NRG1: variants seen among roughly 807,000 people sequenced by gnomAD.
NRG1 encodes the protein pro-neuregulin-1, membrane-bound isoform.
NRG1 carries 18 observed loss-of-function variants against 63.8 expected under a neutral mutation model. The observed-to-expected ratio is 0.28, with a 90% CI of 0.19 to 0.42. The LOEUF (loss-of-function observed/expected upper bound fraction) is 0.42. Ranked by LOEUF, NRG1 falls within the 10% of genes least tolerant of loss-of-function variation. The probability of loss-of-function intolerance (pLI) is 1.00; values close to 1 mark genes in which losing one functional copy is unlikely to be tolerated. For synonymous variants in NRG1, 302 were observed against 301.3 expected, an observed-to-expected ratio of 1.00 and a Z score of -0.02; for missense variants, 762 against 814.7, an observed-to-expected ratio of 0.94 and a Z score of 0.79.
At chr8:32,098,396 A>G (rs931122369) in intron 1 of NRG1, among the ~76,000 whole-genome samples, 4 of 152,220 alleles carry the variant, frequency 2.6e-5, no homozygotes, top group Non-Finnish European at 4.4e-5. Flanking sequence ...TGTTAGATAT[A>G]TGTGGCTGTT....
intron 1 of NRG1, among the ~76,000 whole-genome samples, chr8:32,261,983 C>T (rs1020278544): frequency 6.6e-6 from 1 of 152,086 alleles, no homozygotes; most frequent in Non-Finnish European, 1.5e-5. Flanking sequence ...GGATCCAGAT[C>T]GCCTTGAATT....
At chr8:32,453,326 G>C (rs1485839234) in intron 1 of NRG1, among the ~76,000 whole-genome samples, 1 of 152,164 alleles carries the variant, frequency 6.6e-6, no homozygotes, top group African/African-American at 2.4e-5. Context: ...CTACGTATCA[G>C]AGCCTCGTAC....
intron 1 of NRG1, among the ~76,000 whole-genome samples, chr8:32,022,610 C>T (rs528947672): frequency 6.6e-6 from 1 of 152,214 alleles, no homozygotes; most frequent in African/African-American, 2.4e-5. Flanking sequence ...GTAAATAGGA[C>T]ATTGTTTATC....
At chr8:32,280,691 G>GTTTTTTTTTTTTT (rs1174950316) in intron 1 of NRG1, among the ~76,000 whole-genome samples, 68 of 57,580 alleles carry the variant, frequency 1.2e-3, no homozygotes, top group African/African-American at 2.6e-3. Flanking sequence ...TTTTTTTTTT[G>GTTTTTTTTTTTTT]TTTTTTTTTT....
At chr8:32,437,253 C>T (rs1215956972) in intron 1 of NRG1, among the ~76,000 whole-genome samples, 1 of 152,112 alleles carries the variant, frequency 6.6e-6, no homozygotes, top group African/African-American at 2.4e-5. Context: ...GCAGCTTCCC[C>T]CAATGCCTCC....
intron 1 of NRG1, among the ~76,000 whole-genome samples, chr8:31,687,518 A>G (rs1809027629): frequency 6.6e-6 from 1 of 152,222 alleles, no homozygotes; most frequent in Non-Finnish European, 1.5e-5. Context: ...GATCAGCTGA[A>G]ATCATCCTTG....
chr8:32,293,718 CTT>C lies in NRG1; in HGVS notation c.38-302092_38-302091del, dbSNP rs770993591. ...ACTATTTCTTTTTTCTTTTCTTCTT[CTT>C]TTTTTTTTTTTTTTTTTGAGATGGA... On this transcript the variant is annotated intron_variant, in intron 1 of 10. Coordinates refer to the NRG1 transcript ENST00000519301. Among the ~76,000 whole-genome samples, 331 of 108,240 alleles carry C rather than the reference CTT, an allele frequency of 3.1e-3. 2 individuals are homozygous for C. The highest frequency in any genetic ancestry group is 0.012 in the African/African-American group (310 of 26,852). 71.0% of individuals were successfully genotyped at this position (108,240 alleles called of 152,430 possible). A position where few individuals can be genotyped will look rare whatever the true frequency, so the allele number is the denominator to read the frequency against.
At chr8:32,224,430 T>C (rs979541192) in intron 1 of NRG1, among the ~76,000 whole-genome samples, 1 of 152,170 alleles carries the variant, frequency 6.6e-6, no homozygotes, top group Admixed American at 6.5e-5. Flanking sequence ...CCTTCTTCTT[T>C]TCTGAATTAA....
At position 32,192,851 on chromosome 8, in the gene NRG1, C is replaced by G. The variant is rs183541957; in HGVS notation, c.38-402977C>G. ...TTGTAGTCACCTACACACATAAACT[C>G]ACACACAAACACACACTCCCATACA... On this transcript the variant is annotated intron_variant, in intron 1 of 10. Transcript: ENST00000519301. 1.3e-3 allele frequency among the ~76,000 whole-genome samples: 193 copies of G among 152,268 alleles called. 1 individual carries two copies. Among genetic ancestry groups the G allele is most frequent in the African/African-American group, 4.5e-3 (185 of 41,554 alleles).
chr8:31,677,909 C>G (rs949013596), intron 1 of NRG1, among the ~76,000 whole-genome samples: 1 of 151,954 alleles, frequency 6.6e-6, no homozygotes, highest in Non-Finnish European at 1.5e-5. Flanking sequence ...CAAATATTCT[C>G]TTTGGTAAAA....
At chr8:31,812,951 T>G (rs546472048) in intron 1 of NRG1, among the ~76,000 whole-genome samples, 1 of 152,306 alleles carries the variant, frequency 6.6e-6, no homozygotes, top group African/African-American at 2.4e-5. Flanking sequence ...CCACTGAAGC[T>G]ACCTGGTGGA....
At chr8:31,853,591 A>C (rs1157871143) in intron 1 of NRG1, among the ~76,000 whole-genome samples, 1 of 150,992 alleles carries the variant, frequency 6.6e-6, no homozygotes, top group African/African-American at 2.4e-5. Context: ...TTCCTAATTG[A>C]ATACCCTTTA....
At chr8:32,452,327 T>G (rs546325883) in intron 1 of NRG1, among the ~76,000 whole-genome samples, 2 of 152,280 alleles carry the variant, frequency 1.3e-5, no homozygotes, top group East Asian at 1.9e-4. Flanking sequence ...TGTTTTGGAC[T>G]GACTTTGAGT....
intron 5 of NRG1, among the ~76,000 whole-genome samples, chr8:32,637,142 T>C (rs1473262777): frequency 2.0e-5 from 3 of 152,188 alleles, no homozygotes; most frequent in African/African-American, 7.2e-5. Context: ...GAATTAATCA[T>C]TCAGTAAACA....
chr8:32,733,035 G>A (rs1824127383), intron 6 of NRG1, among the ~76,000 whole-genome samples: 2 of 152,138 alleles, frequency 1.3e-5, no homozygotes, highest in African/African-American at 4.8e-5. Flanking sequence ...TCAAACTCCT[G>A]ACTTCAGGTG....
At chr8:32,209,418 G>A (rs1844425298) in intron 1 of NRG1, among the ~76,000 whole-genome samples, 1 of 151,870 alleles carries the variant, frequency 6.6e-6, no homozygotes, top group Admixed American at 6.6e-5. Context: ...CCACCCATTT[G>A]AAGTGTATAG....
chr8:32,045,741 A>G (rs1820896355), intron 1 of NRG1, among the ~76,000 whole-genome samples: 4 of 152,000 alleles, frequency 2.6e-5, no homozygotes, highest in Admixed American at 2.6e-4. Flanking sequence ...TAATGGAACA[A>G]TAGGAAACAA....
chr8:32,237,039 A>G (rs1024748131), intron 1 of NRG1, among the ~76,000 whole-genome samples: 1 of 152,196 alleles, frequency 6.6e-6, no homozygotes, highest in Admixed American at 6.5e-5. Flanking sequence ...AAGCCACACT[A>G]TCCTTTCAGC....
intron 2 of NRG1, among the ~76,000 whole-genome samples, chr8:32,605,224 A>G (rs546491370): frequency 1.1e-4 from 16 of 152,296 alleles, no homozygotes; most frequent in South Asian, 2.1e-4. Context: ...ATAGAAAAGT[A>G]AGAAAATTTA....
Sources: allele counts gnomAD v4.1 joint callset (sites outside exome capture counted in the v4.1 genomes callset), GRCh38; gene constraint gnomAD v4.1.1; transcripts MANE v1.5; gene names NCBI Gene and HGNC (gene_info 2026-07-23, HGNC 2026-07-21).